Variants in ASB18 observed in about 807,000 individuals in gnomAD.
The protein encoded by ASB18 is ankyrin repeat and SOCS box containing 18.
ASB18 carries 33 observed loss-of-function variants against 33.4 expected under a neutral mutation model. The observed-to-expected ratio is 0.99, with a 90% CI of 0.75 to 1.32. ASB18 has a LOEUF of 1.32. Ranked by LOEUF, ASB18 falls within the 40% of genes most tolerant of loss-of-function variation. The pLI is 0.00. For synonymous variants in ASB18, 295 were observed against 307.6 expected, an observed-to-expected ratio of 0.96 and a Z score of 0.43; for missense variants, 694 against 655.5, an observed-to-expected ratio of 1.06 and a Z score of -0.64.
rs568736110 is a variant in ASB18 at position 236,228,246 on chromosome 2, C to T, written c.596+9443G>A. ...AAATGTGTCACAAGGTTGGAACTTA[C>T]TCCCCAATATGATTGGCAGTATTGG... is the stretch of plus-strand genomic sequence containing the variant. On this transcript the variant is annotated intron_variant, in intron 3 of 5. Coordinates refer to ENST00000409749, the MANE Select transcript of ASB18 (RefSeq NM_212556.4). This position sits in a 1 kb window ranked among gnomAD's most constrained non-coding sequence, Gnocchi z 5.1. Among the ~76,000 whole-genome samples, 2 of 152,314 alleles carry T rather than the reference C, an allele frequency of 1.3e-5. No individual in the cohort carries two copies. Among genetic ancestry groups the T allele is most frequent in the African/African-American group, 4.8e-5 (2 of 41,574 alleles).
rs1017230946 is a variant in ASB18 at position 236,223,112 on chromosome 2, C to G, written c.597-8246G>C. 2.0e-5 allele frequency among the ~76,000 whole-genome samples: 3 copies of G among 152,216 alleles called. No homozygotes were observed. The highest frequency in any genetic ancestry group is 4.4e-5 in the Non-Finnish European group (3 of 68,036). On this transcript the variant is annotated intron_variant, in intron 3 of 5. Transcript: ENST00000409749. The surrounding 1 kb of genome is among the most constrained non-coding windows in gnomAD (Gnocchi z 4.6). ...TTTGCCTTCTGCCATGAGTAAAAAG[C>G]TTCCTGAGGCCTCCCCAGAAGCAGA... is the stretch of plus-strand genomic sequence containing the variant.
In ASB18 at chr2:236,262,720, GA is replaced by G; in HGVS notation, c.205+1420del. On this transcript the variant is annotated intron_variant, in intron 1 of 5. Coordinates refer to ENST00000409749, the MANE Select transcript of ASB18 (RefSeq NM_212556.4). This position sits in a 1 kb window ranked among gnomAD's most constrained non-coding sequence, Gnocchi z 5.2. ...AAACCCCCCCCAGGGCAATCTTCTA[GA>G]GAGATGGAAGGTACCAAGTTTGGGA... Among the ~76,000 whole-genome samples, 1 of 152,260 alleles carries G rather than the reference GA, an allele frequency of 6.6e-6. No homozygotes were observed. The highest frequency in any genetic ancestry group is 1.9e-4 in the East Asian group (1 of 5,152).
At position 236,196,502 on chromosome 2, in the gene ASB18, A is replaced by T; in HGVS notation, c.1102-117T>A. On this transcript the variant is annotated intron_variant, in intron 4 of 5. Transcript: ENST00000409749. This position sits in a 1 kb window ranked among gnomAD's most constrained non-coding sequence, Gnocchi z 5.6. ...TAGCTGTGTGACCTCCCTACGCCCAAGCCACACAGGGAACAGCAACAGAGC... is the reference window on the plus strand; with the variant it reads ...TAGCTGTGTGACCTCCCTACGCCCATGCCACACAGGGAACAGCAACAGAGC... 1 of 650,958 alleles carries T rather than the reference A, an allele frequency of 1.5e-6. No homozygotes were observed. The highest frequency in any genetic ancestry group is 2.8e-6 in the Non-Finnish European group (1 of 354,426). The allele number at this position is 650,958 out of a possible 1,614,324, so 40.3% of individuals were successfully genotyped here. A position where few individuals can be genotyped will look rare whatever the true frequency, so the allele number is the denominator to read the frequency against.
At position 236,216,846 on chromosome 2, in the gene ASB18, C is replaced by G. The variant is rs2060489626; in HGVS notation, c.597-1980G>C. Among the ~76,000 whole-genome samples, 2 of 152,222 alleles carry G rather than the reference C, an allele frequency of 1.3e-5. No individual in the cohort carries two copies. The highest frequency in any genetic ancestry group is 6.5e-5 in the Admixed American group (1 of 15,288). On this transcript the variant is annotated intron_variant, in intron 3 of 5. Transcript: ENST00000409749. The surrounding 1 kb of genome is among the most constrained non-coding windows in gnomAD (Gnocchi z 6.1). ...CACATCATGATCCAGCTCCTGGGGG[C>G]TCACCGGGTTCACCTCCTGAGGCGC...
rs185310287 is a variant in ASB18, at chr2:236,260,336, C to T, written c.205+3805G>A. On this transcript the variant is annotated intron_variant, in intron 1 of 5. Transcript: ENST00000409749. The surrounding 1 kb of genome is among the most constrained non-coding windows in gnomAD (Gnocchi z 5.1). ...CCCTCTCTTGGCCCAGCCCTGTTTT[C>T]CTGTGTTATCATTCCTTCCTCTTCA... is the stretch of plus-strand genomic sequence containing the variant. Among the ~76,000 whole-genome samples, 367 of 152,274 alleles carry T rather than the reference C, an allele frequency of 2.4e-3. 2 individuals are homozygous for T. The highest frequency in any genetic ancestry group is 8.4e-3 in the African/African-American group (347 of 41,548).
Position 236,238,772 on chromosome 2 carries a change from G to T in ASB18, c.329-816C>A, listed in dbSNP as rs991496386. 6.6e-6 allele frequency among the ~76,000 whole-genome samples: 1 copy of T among 152,158 alleles called. No individual in the cohort carries two copies. Among genetic ancestry groups the T allele is most frequent in the Admixed American group, 6.5e-5 (1 of 15,280 alleles). ...GGAAATGGGGGATGTAGTCCCTGGT[G>T]AATACACATCAAGGGGCAGGATTTC... On this transcript the variant is annotated intron_variant, in intron 2 of 5. Coordinates refer to ENST00000409749, the MANE Select transcript of ASB18 (RefSeq NM_212556.4). This position sits in a 1 kb window ranked among gnomAD's most constrained non-coding sequence, Gnocchi z 5.2.
Position 236,237,940 on chromosome 2 carries a change from C to G in ASB18, c.345G>C (p.Glu115Asp), listed in dbSNP as rs1397736773. Residue 115 changes from glutamate (E) to aspartate (D), a missense_variant, in exon 3 of 6, where the codon GAG becomes GAC. Coordinates refer to ENST00000409749, the MANE Select transcript of ASB18 (RefSeq NM_212556.4). This position sits in a 1 kb window ranked among gnomAD's most constrained non-coding sequence, Gnocchi z 6.2. ...GGGGCGTGGTGAGCTCACGCTTGTA[C>G]TCCAGGGTCCAGAGGCCTGCGGGGA... The part of the protein sequence containing the change: ...TFGLSGLWTL[E>D]YKRELTTPLC... 4 of 1,504,588 alleles carry G rather than the reference C, an allele frequency of 2.7e-6. No homozygotes were observed. The African/African-American group carries it at 4.3e-5, about 16-fold the overall frequency. The allele number at this position is 1,504,588 out of a possible 1,614,324, so 93.2% of individuals were successfully genotyped here.
At position 236,239,393 on chromosome 2, in the gene ASB18, C is replaced by A. The variant is rs1471600115; in HGVS notation, c.329-1437G>T. Among the ~76,000 whole-genome samples, 3 of 151,948 alleles carry A rather than the reference C, an allele frequency of 2.0e-5. No individual in the cohort carries two copies. The highest frequency in any genetic ancestry group is 2.9e-5 in the Non-Finnish European group (2 of 67,990). Reference sequence around the variant, plus strand: ...GGATCTAGCTCAGCCACAGTGTGGGCCAGCACCGTCTCCAGGTCCTTGGCG... The same window carrying A: ...GGATCTAGCTCAGCCACAGTGTGGGACAGCACCGTCTCCAGGTCCTTGGCG... On this transcript the variant is annotated intron_variant, in intron 2 of 5. Transcript: ENST00000409749. The surrounding 1 kb of genome is among the most constrained non-coding windows in gnomAD (Gnocchi z 5.6).
chr2:236,245,980 C>T lies in ASB18; in HGVS notation c.206-4578G>A, dbSNP rs2060643054. On this transcript the variant is annotated intron_variant, in intron 1 of 5. Transcript: ENST00000409749. This position sits in a 1 kb window ranked among gnomAD's most constrained non-coding sequence, Gnocchi z 4.7. ...CCTAGGGCAGGTCTCAGGTGCTCAG[C>T]GTGGGGACCTACCTCAGATCTGTGG... Among the ~76,000 whole-genome samples the T allele has an allele frequency of 6.6e-6, 1 of 152,130 alleles. No individual in the cohort carries two copies. The highest frequency in any genetic ancestry group is 2.1e-4 in the South Asian group (1 of 4,828).
chr2:236,206,232 T>G (rs538692051), intron 4 of ASB18, among the ~76,000 whole-genome samples: 81 of 152,030 alleles, frequency 5.3e-4, no homozygotes, highest in African/African-American at 1.9e-3. Flanking sequence ...TTGTCATTAG[T>G]ATTTCATTAT....
Position 236,237,272 on chromosome 2 carries a change from C to A in ASB18, c.596+417G>T, listed in dbSNP as rs900778634. 2.0e-5 allele frequency among the ~76,000 whole-genome samples: 3 copies of A among 152,030 alleles called. No individual in the cohort carries two copies. Among genetic ancestry groups the A allele is most frequent in the Admixed American group, 1.3e-4 (2 of 15,276 alleles). On this transcript the variant is annotated intron_variant, in intron 3 of 5. Coordinates refer to ENST00000409749, the MANE Select transcript of ASB18 (RefSeq NM_212556.4). This position sits in a 1 kb window ranked among gnomAD's most constrained non-coding sequence, Gnocchi z 6.2. Reference sequence around the variant, plus strand: ...GCGCCGGCGGCTGGGCTGTGATCACCGCGCTCATTACCTCGGCGTGGCGCC... The same window carrying A: ...GCGCCGGCGGCTGGGCTGTGATCACAGCGCTCATTACCTCGGCGTGGCGCC...
chr2:236,195,953 G>A lies in ASB18; in HGVS notation c.1215+319C>T, dbSNP rs12328445. 51,950 of 388,512 alleles carry A rather than the reference G, an allele frequency of 0.13. 4,076 individuals are homozygous for A. The highest frequency in any genetic ancestry group is 0.23 in the African/African-American group (11,020 of 48,186). The allele number at this position is 388,512 out of a possible 1,614,324, so 24.1% of individuals were successfully genotyped here. A position where few individuals can be genotyped will look rare whatever the true frequency, so the allele number is the denominator to read the frequency against. ...CAGGGCCGGATTAGTATGTCCTGAC[G>A]TGGAGCTAGGCCCGTGGATTCAGGC... is the stretch of plus-strand genomic sequence containing the variant. On this transcript the variant is annotated intron_variant, in intron 5 of 5. Transcript: ENST00000409749. This position sits in a 1 kb window ranked among gnomAD's most constrained non-coding sequence, Gnocchi z 5.5.
intron 1 of ASB18, among the ~76,000 whole-genome samples, chr2:236,254,733 C>T (rs1465799078): frequency 6.6e-6 from 1 of 151,978 alleles, no homozygotes; most frequent in Non-Finnish European, 1.5e-5. Context: ...GCTGTTAAGC[C>T]CATCGTTGAT....
intron 1 of ASB18, chr2:236,247,559 T>G (rs2060650668): frequency 6.6e-6 from 1 of 152,236 alleles, no homozygotes; most frequent in Non-Finnish European, 1.5e-5. Flanking sequence ...ACTGTGCTCT[T>G]TGTTGCCTGC....
At position 236,251,145 on chromosome 2, in the gene ASB18, C is replaced by T. The variant is rs2060667168; in HGVS notation, c.206-9743G>A. Reference sequence around the variant, plus strand: ...TTCTCATTATTAATGTGATCTTATCCAAAGGTCAAGTGCCGCTTTCATTGG... The same window carrying T: ...TTCTCATTATTAATGTGATCTTATCTAAAGGTCAAGTGCCGCTTTCATTGG... On this transcript the variant is annotated intron_variant, in intron 1 of 5. Transcript: ENST00000409749. The surrounding 1 kb of genome is among the most constrained non-coding windows in gnomAD (Gnocchi z 5.3). Among the ~76,000 whole-genome samples the T allele has an allele frequency of 6.6e-6, 1 of 152,150 alleles. No individual in the cohort carries two copies. Among genetic ancestry groups the T allele is most frequent in the African/African-American group, 2.4e-5 (1 of 41,438 alleles).
At position 236,237,835 on chromosome 2, in the gene ASB18, G is replaced by C. The variant is rs1280604361; in HGVS notation, c.450C>G (p.Pro150=). The C allele has an allele frequency of 7.3e-7, 1 of 1,378,196 alleles. No homozygotes were observed. Among genetic ancestry groups the C allele is most frequent in the Non-Finnish European group, 9.3e-7 (1 of 1,077,238 alleles). The allele number at this position is 1,378,196 out of a possible 1,614,324, so 85.4% of individuals were successfully genotyped here. Residue 150 remains proline (P), a synonymous_variant, in exon 3 of 6, where the codon CCC becomes CCG. Coordinates refer to ENST00000409749, the MANE Select transcript of ASB18 (RefSeq NM_212556.4). The surrounding 1 kb of genome is among the most constrained non-coding windows in gnomAD (Gnocchi z 6.2). ...LGRGADPDAS[P]GGRGALHEAC... Reference sequence around the variant, plus strand: ...CCTCGTGCAGGGCGCCGCGGCCGCCGGGGCTGGCGTCTGGGTCTGCGCCGC... The same window carrying C: ...CCTCGTGCAGGGCGCCGCGGCCGCCCGGGCTGGCGTCTGGGTCTGCGCCGC...
In ASB18 at chr2:236,250,159, G is replaced by T. The variant is rs2060662747; in HGVS notation, c.206-8757C>A. The T allele has an allele frequency of 6.6e-6, 1 of 152,208 alleles. No homozygotes were observed. The highest frequency in any genetic ancestry group is 2.4e-5 in the African/African-American group (1 of 41,446). The allele number at this position is 152,208 out of a possible 1,614,324, so 9.4% of individuals were successfully genotyped here. On this transcript the variant is annotated intron_variant, in intron 1 of 5. Coordinates refer to ENST00000409749, the MANE Select transcript of ASB18 (RefSeq NM_212556.4). The surrounding 1 kb of genome is among the most constrained non-coding windows in gnomAD (Gnocchi z 4.1). ...AACTATTATTTTCATGTGACATTGGGATCTTTTCTTCTTGCCATTGAGTTG... is the reference window on the plus strand; with the variant it reads ...AACTATTATTTTCATGTGACATTGGTATCTTTTCTTCTTGCCATTGAGTTG...
In ASB18 at chr2:236,216,944, T is replaced by A. The variant is rs1485698541; in HGVS notation, c.597-2078A>T. 6.6e-6 allele frequency among the ~76,000 whole-genome samples: 1 copy of A among 152,082 alleles called. No individual in the cohort carries two copies. The highest frequency in any genetic ancestry group is 1.5e-5 in the Non-Finnish European group (1 of 68,012). Reference sequence around the variant, plus strand: ...CACACTCTGCCGTGCCATGCCCCCATGCCCTCTGCTTGCTCCTTCCAGGTT... The same window carrying A: ...CACACTCTGCCGTGCCATGCCCCCAAGCCCTCTGCTTGCTCCTTCCAGGTT... On this transcript the variant is annotated intron_variant, in intron 3 of 5. Coordinates refer to ENST00000409749, the MANE Select transcript of ASB18 (RefSeq NM_212556.4). This position sits in a 1 kb window ranked among gnomAD's most constrained non-coding sequence, Gnocchi z 6.1.
Position 236,196,115 on chromosome 2 carries a change from A to T in ASB18, c.1215+157T>A. The T allele has an allele frequency of 3.0e-6, 2 of 670,256 alleles. No homozygotes were observed. The highest frequency in any genetic ancestry group is 5.5e-6 in the Non-Finnish European group (2 of 360,580). The allele number at this position is 670,256 out of a possible 1,614,324, so 41.5% of individuals were successfully genotyped here. A position where few individuals can be genotyped will look rare whatever the true frequency, so the allele number is the denominator to read the frequency against. ...GGCTGTGTGATTATGGAGCCTCCAG[A>T]AAAAACCAGAAACGTGCAAATACAC... On this transcript the variant is annotated intron_variant, in intron 5 of 5. Transcript: ENST00000409749. The surrounding 1 kb of genome is among the most constrained non-coding windows in gnomAD (Gnocchi z 5.6).
Sources: gnomAD v4.1 joint callset for allele counts (sites outside exome capture counted in the v4.1 genomes callset) on GRCh38, gnomAD v4.1.1 for gene constraint, Gnocchi (gnomAD v3.1) non-coding constraint, MANE v1.5 for transcripts, NCBI Gene and HGNC (gene_info 2026-07-23, HGNC 2026-07-21) for gene names.